The following RHOBTB1 variants were observed in gnomAD, a reference collection of about 807,000 sequenced individuals.
The protein encoded by RHOBTB1 is Rho related BTB domain containing 1, also known as rho-related BTB domain-containing protein 1.
In RHOBTB1, 40 loss-of-function variants were observed where a neutral mutation model predicts 71.6. That is an observed-to-expected ratio of 0.56 (90% CI 0.43 to 0.73). RHOBTB1 has a LOEUF of 0.73. RHOBTB1 is among the 30% of genes least tolerant of loss of function. The pLI is 0.00. For synonymous variants in RHOBTB1, 319 were observed against 334.9 expected, an observed-to-expected ratio of 0.95 and a Z score of 0.52; for missense variants, 797 against 894.0, an observed-to-expected ratio of 0.89 and a Z score of 1.38.
At chr10:60,986,832 C>T (rs1001261906) in intron 1 of RHOBTB1, among the ~76,000 whole-genome samples, 2 of 152,092 alleles carry the variant, frequency 1.3e-5, no homozygotes, top group Admixed American at 1.3e-4. Flanking sequence ...AAATACAAAA[C>T]CAATAACTCC....
chr10:60,989,052 ATTT>A (rs927878321), intron 1 of RHOBTB1, among the ~76,000 whole-genome samples: 1 of 152,186 alleles, frequency 6.6e-6, no homozygotes, highest in African/African-American at 2.4e-5. Flanking sequence ...AGATTAAAGG[ATTT>A]TTTTCAGTCA....
At chr10:60,874,348 T>C (rs1447271790) in intron 9 of RHOBTB1, among the ~76,000 whole-genome samples, 1 of 152,220 alleles carries the variant, frequency 6.6e-6, no homozygotes, top group Admixed American at 6.5e-5. Context: ...CTCAGAATAA[T>C]CTGTAAGGTT....
intron 4 of RHOBTB1, among the ~76,000 whole-genome samples, chr10:60,903,715 G>A (rs1564886114): frequency 6.6e-6 from 1 of 151,658 alleles, no homozygotes; most frequent in Non-Finnish European, 1.5e-5. Context: ...ACTGAGGCAG[G>A]GGGGGTTCTA....
At chr10:60,984,099 G>C (rs2086587710) in intron 2 of RHOBTB1, among the ~76,000 whole-genome samples, 1 of 152,034 alleles carries the variant, frequency 6.6e-6, no homozygotes, top group African/African-American at 2.4e-5. Flanking sequence ...GAAAAGTTTT[G>C]CTCCATATTT....
chr10:60,880,263 CAGAG>C (rs374461338), intron 7 of RHOBTB1, among the ~76,000 whole-genome samples: 8 of 107,098 alleles, frequency 7.5e-5, no homozygotes, highest in East Asian at 2.7e-4. Flanking sequence ...GAGTGAGAGA[CAGAG>C]AGAGAGAGAG....
At chr10:60,967,380 C>T (rs1020385412) in intron 2 of RHOBTB1, among the ~76,000 whole-genome samples, 1 of 150,882 alleles carries the variant, frequency 6.6e-6, no homozygotes, top group Non-Finnish European at 1.5e-5. Flanking sequence ...GCAATCTCCA[C>T]CTCCTGGGTT....
In RHOBTB1 at chr10:60,870,122, C is replaced by T. The variant is rs1481763236; in HGVS notation, c.*1360G>A. ...TCCCATGGCAGGTGTGGAGCTGTGGCCTTGAAATGCTCTCTGTGTGTGTAT... is the reference window on the plus strand; with the variant it reads ...TCCCATGGCAGGTGTGGAGCTGTGGTCTTGAAATGCTCTCTGTGTGTGTAT... On this transcript the variant is annotated 3_prime_UTR_variant, in exon 11 of 11. Transcript: ENST00000337910. The T allele has an allele frequency of 6.6e-6, 1 of 152,516 alleles. No homozygotes were observed. Among genetic ancestry groups the T allele is most frequent in the Admixed American group, 6.5e-5 (1 of 15,276 alleles). 9.4% of individuals were successfully genotyped at this position (152,516 alleles called of 1,614,324 possible).
At chr10:60,916,287 T>A (rs547689365) in intron 2 of RHOBTB1, among the ~76,000 whole-genome samples, 1 of 152,124 alleles carries the variant, frequency 6.6e-6, no homozygotes, top group African/African-American at 2.4e-5. Flanking sequence ...AGAATTCACA[T>A]TGAAAACCGC....
At chr10:60,868,751 AACTTAGACCAAG>A (rs1203543959), downstream of RHOBTB1, among the ~76,000 whole-genome samples, 1 of 152,208 alleles carries the variant, frequency 6.6e-6, no homozygotes, top group African/African-American at 2.4e-5. Context: ...TACTCCCAGA[AACTTAGACCAAG>A]ACTTTCTAAA....
intron 2 of RHOBTB1, among the ~76,000 whole-genome samples, chr10:60,982,411 G>A (rs2086528651): frequency 6.6e-6 from 1 of 152,132 alleles, no homozygotes; most frequent in African/African-American, 2.4e-5. Context: ...TTTTGAGGGT[G>A]TATTGTGTAT....
At chr10:60,983,369 G>A (rs2086564546) in intron 2 of RHOBTB1, among the ~76,000 whole-genome samples, 1 of 152,034 alleles carries the variant, frequency 6.6e-6, no homozygotes, top group Admixed American at 6.5e-5. Context: ...TAAGACATAT[G>A]ATTTTTCAGG....
intron 2 of RHOBTB1, among the ~76,000 whole-genome samples, chr10:60,934,854 A>C (rs1222021643): frequency 6.6e-6 from 1 of 152,228 alleles, no homozygotes; most frequent in Non-Finnish European, 1.5e-5. Flanking sequence ...TACTTTAATG[A>C]ATGGAAGCAC....
rs754449195 is a variant in RHOBTB1 at position 60,911,491 on chromosome 10, C to T, written c.52G>A (p.Val18Met). The T allele has an allele frequency of 6.2e-7, 1 of 1,614,240 alleles. No homozygotes were observed. ...CCCACGGCATTGTCACCCACGACCACACATTTGATAGTTTCAACGTTGGGT... is the reference window on the plus strand; with the variant it reads ...CCCACGGCATTGTCACCCACGACCATACATTTGATAGTTTCAACGTTGGGT... Reference protein sequence around the residue: ...ERPNVETIKCVVVGDNAVGKT... With the variant: ...ERPNVETIKCMVVGDNAVGKT... The change falls in exon 3 of 11, where the codon GTG becomes ATG. Residue 18 changes from valine to methionine, a missense_variant. Around this residue, in one of 2 missense-constraint regions of RHOBTB1, gnomAD observed 139 missense variants for 212.5 expected, o/e 0.65. Coordinates refer to ENST00000337910, the MANE Select transcript of RHOBTB1 (RefSeq NM_014836.5).
Position 60,889,062 on chromosome 10 carries a change from A to G in RHOBTB1, c.606T>C (p.Asn202=), listed in dbSNP as rs759874828. The change falls in exon 6 of 11, where the codon AAT becomes AAC. Residue 202 remains asparagine (N), a synonymous_variant. Transcript: ENST00000337910. ...GGGAAATCAGCGCTGCTCGGATTGC[A>G]TTGTCAAACACATCCTTGATACCAA... ...DQFGIKDVFD[N]AIRAALISRR... The G allele has an allele frequency of 5.6e-6, 9 of 1,614,174 alleles. No individual in the cohort carries two copies. In the Admixed American group the frequency reaches 1.5e-4, roughly 27 times the overall value.
chr10:60,983,356 T>A (rs2086563812), intron 2 of RHOBTB1, among the ~76,000 whole-genome samples: 1 of 152,198 alleles, frequency 6.6e-6, no homozygotes, highest in Non-Finnish European at 1.5e-5. Flanking sequence ...AATTTGCTTA[T>A]TATAAGACAT....
At chr10:60,969,110 T>A (rs1395477490) in intron 2 of RHOBTB1, among the ~76,000 whole-genome samples, 1 of 152,146 alleles carries the variant, frequency 6.6e-6, no homozygotes, top group African/African-American at 2.4e-5. Flanking sequence ...ACAGTCTACA[T>A]TCCAAATGAA....
intron 4 of RHOBTB1, among the ~76,000 whole-genome samples, chr10:60,905,382 G>A (rs866973684): frequency 3.0e-4 from 43 of 141,550 alleles, no homozygotes; most frequent in African/African-American, 1.1e-3. Context: ...CCTGGGAGAC[G>A]TAGGTTGCAG....
At position 60,869,886 on chromosome 10, in the gene RHOBTB1, GT is replaced by G. The variant is rs2132126854; in HGVS notation, c.*1595del. 1 of 152,700 alleles carries G rather than the reference GT, an allele frequency of 6.5e-6. No homozygotes were observed. The highest frequency in any genetic ancestry group is 1.9e-4 in the East Asian group (1 of 5,188). The allele number at this position is 152,700 out of a possible 1,614,324, so 9.5% of individuals were successfully genotyped here. On this transcript the variant is annotated 3_prime_UTR_variant, in exon 11 of 11. Coordinates refer to ENST00000337910, the MANE Select transcript of RHOBTB1 (RefSeq NM_014836.5). The stretch of plus-strand genomic sequence containing the variant: ...CCTCTCCTAAGATCTTCTATCTGGT[GT>G]TTCCACTGCCAGTAATAAATGCCCA...
At chr10:60,923,118 C>T (rs2083663073) in intron 2 of RHOBTB1, among the ~76,000 whole-genome samples, 5 of 152,174 alleles carry the variant, frequency 3.3e-5, no homozygotes. Flanking sequence ...GAATATACTT[C>T]AATCCTTGGC....
Sources: allele counts gnomAD v4.1 joint callset (sites outside exome capture counted in the v4.1 genomes callset), GRCh38; gene constraint gnomAD v4.1.1; regional missense constraint gnomAD v4.1.1; transcripts MANE v1.5; gene names NCBI Gene and HGNC (gene_info 2026-07-23, HGNC 2026-07-21).